Variants in TRIM41 observed in about 807,000 individuals in gnomAD.
TRIM41 encodes the protein E3 ubiquitin-protein ligase TRIM41.
In TRIM41, 21 loss-of-function variants were observed where a neutral mutation model predicts 60.6. The observed-to-expected ratio is 0.35, with a 90% CI of 0.25 to 0.50. TRIM41 has a LOEUF of 0.50. Ranked by LOEUF, TRIM41 falls within the 20% of genes least tolerant of loss-of-function variation. The pLI is 0.98. For missense variants in TRIM41, 846 were observed against 868.3 expected, an observed-to-expected ratio of 0.97 and a Z score of 0.32; for synonymous variants, 407 against 344.9, an observed-to-expected ratio of 1.18 and a Z score of -2.00.
Position 181,233,354 on chromosome 5 carries a change from A to C in TRIM41, c.1141-59A>C. On this transcript the variant is annotated intron_variant, in intron 3 of 5. Transcript: ENST00000315073. The surrounding 1 kb of genome is among the most constrained non-coding windows in gnomAD (Gnocchi z 4.1). The stretch of plus-strand genomic sequence containing the variant: ...AGATCGGGGAACGCTGTCCCTGTGC[A>C]GCTGACACTCTCTTTATCTCTTTCT... The C allele has an allele frequency of 1.9e-6, 3 of 1,556,372 alleles. No homozygotes were observed. The highest frequency in any genetic ancestry group is 3.3e-5 in the Admixed American group (2 of 59,956).
In TRIM41 at chr5:181,234,840, G is replaced by T. The variant is rs369391657; in HGVS notation, c.*65G>T. ...GGGGGTGGGTGGTGGAGGGTGGCCC[G>T]TAAGTTTGAGGGCTCAAAGGCTCTT... On this transcript the variant is annotated 3_prime_UTR_variant, in exon 6 of 6. Coordinates refer to ENST00000315073, the MANE Select transcript of TRIM41 (RefSeq NM_033549.5). This position sits in a 1 kb window ranked among gnomAD's most constrained non-coding sequence, Gnocchi z 5.6. 6.2e-7 allele frequency: 1 copy of T among 1,606,960 alleles called. No homozygotes were observed. Among genetic ancestry groups the T allele is most frequent in the Middle Eastern group, 1.7e-4 (1 of 5,900 alleles).
chr5:181,226,911 T>C (rs988019306), intron 1 of TRIM41: 1 of 152,166 alleles, frequency 6.6e-6, no homozygotes, highest in African/African-American at 2.4e-5. Flanking sequence ...TTCACTCTTG[T>C]TGCCCAGGCT....
Position 181,224,160 on chromosome 5 carries a change from A to G in TRIM41, c.161A>G (p.Glu54Gly), listed in dbSNP as rs1347547160. Residue 54 changes from glutamate to glycine, a missense_variant, in exon 1 of 6, where the codon GAG (glutamate) becomes GGG (glycine). Glu to Gly is a moderately conservative substitution (Grantham distance 98, BLOSUM62 -2). Coordinates refer to ENST00000315073, the MANE Select transcript of TRIM41 (RefSeq NM_033549.5). The part of the protein sequence containing the change: ...VTQLWGGEDE[E>G]DRDELDREEE... ...CAGTTGTGGGGTGGGGAGGATGAGG[A>G]GGACAGAGATGAGTTAGATCGGGAG... 1.2e-6 allele frequency: 2 copies of G among 1,614,072 alleles called. No homozygotes were observed. Among genetic ancestry groups the G allele is most frequent in the Non-Finnish European group, 1.7e-6 (2 of 1,180,016 alleles).
rs888234160 is a variant in TRIM41, at chr5:181,234,275, C to T, written c.1393C>T (p.His465Tyr). 1.2e-6 allele frequency: 2 copies of T among 1,612,908 alleles called. No homozygotes were observed. Among genetic ancestry groups the T allele is most frequent in the Admixed American group, 3.3e-5 (2 of 59,984 alleles). ...AGAGCGGCGGCAGGAGGTTGCTGAC[C>T]ATCCCAAGCGCTTCTCGGCCGACTG... ...LAERRQEVAD[H>Y]PKRFSADCCV... is the part of the protein sequence containing the mutation. Residue 465 changes from histidine (H) to tyrosine (Y), a missense_variant, in exon 6 of 6, where the codon CAT becomes TAT. Physicochemically the swap from His to Tyr is moderately conservative, Grantham distance 83. Transcript: ENST00000315073. The surrounding 1 kb of genome is among the most constrained non-coding windows in gnomAD (Gnocchi z 5.6).
At chr5:181,227,609 C>G (rs1036321219) in intron 1 of TRIM41, 6 of 152,050 alleles carry the variant, frequency 3.9e-5, no homozygotes, top group Admixed American at 2.0e-4. Flanking sequence ...CTCGGCCTCC[C>G]AAAGTGCTGG....
At chr5:181,230,564 G>A in intron 1 of TRIM41, 180 bp from the exon 2 acceptor site, 1 of 471,204 alleles carries the variant, frequency 2.1e-6, no homozygotes, top group Non-Finnish European at 3.9e-6. Context: ...CAGAGGGATT[G>A]GAGGCTTTTG....
At chr5:181,226,199 G>C (rs1758546291) in intron 1 of TRIM41, 1 of 151,950 alleles carries the variant, frequency 6.6e-6, no homozygotes, top group African/African-American at 2.4e-5. Flanking sequence ...TCACCTCCCG[G>C]GTTCAAGTGA....
At position 181,234,791 on chromosome 5, in the gene TRIM41, C is replaced by G; in HGVS notation, c.*16C>G. On this transcript the variant is annotated 3_prime_UTR_variant, in exon 6 of 6. Coordinates refer to ENST00000315073, the MANE Select transcript of TRIM41 (RefSeq NM_033549.5). This position sits in a 1 kb window ranked among gnomAD's most constrained non-coding sequence, Gnocchi z 5.6. ...CTGCCCTTGATTATCCTGCCACCCG[C>G]AGGGGCCCCTCTGTCAGCACTTGGG... 1 of 1,606,912 alleles carries G rather than the reference C, an allele frequency of 6.2e-7. No homozygotes were observed. Among genetic ancestry groups the G allele is most frequent in the Non-Finnish European group, 8.5e-7 (1 of 1,176,026 alleles).
Position 181,224,770 on chromosome 5 carries a change from G to C in TRIM41, c.771G>C (p.Gln257His). The change falls in exon 1 of 6, where the codon CAG becomes CAC. Residue 257 changes from glutamine (Q) to histidine (H), a missense_variant. Gln to His is a conservative substitution (Grantham distance 24). Coordinates refer to ENST00000315073, the MANE Select transcript of TRIM41 (RefSeq NM_033549.5). ...VVCRESRSHK[Q>H]HSVVPLEEVV... Reference sequence around the variant, plus strand: ...GCCGAGAATCCAGGAGCCACAAACAGCACAGCGTGGTGCCATTGGAGGAGG... The same window carrying C: ...GCCGAGAATCCAGGAGCCACAAACACCACAGCGTGGTGCCATTGGAGGAGG... 1 of 1,614,248 alleles carries C rather than the reference G, an allele frequency of 6.2e-7. No individual in the cohort carries two copies. The highest frequency in any genetic ancestry group is 8.5e-7 in the Non-Finnish European group (1 of 1,180,048).
chr5:181,228,995 T>A (rs1758679523), intron 1 of TRIM41: 2 of 148,592 alleles, frequency 1.3e-5, no homozygotes, highest in Admixed American at 1.3e-4. Context: ...AAATTCTGAA[T>A]TAATGGAGAA....
Position 181,235,031 on chromosome 5 carries a change from T to C in TRIM41, c.*256T>C. 6.2e-7 allele frequency: 1 copy of C among 1,614,040 alleles called. No individual in the cohort carries two copies. The highest frequency in any genetic ancestry group is 2.2e-5 in the East Asian group (1 of 44,888). On this transcript the variant is annotated 3_prime_UTR_variant, in exon 6 of 6. Coordinates refer to ENST00000315073, the MANE Select transcript of TRIM41 (RefSeq NM_033549.5). Reference sequence around the variant, plus strand: ...GTCCCTGATAATGAGAACAGCTGCCTGGTCTTCTCTCCCAGTCTGCCTAGC... The same window carrying C: ...GTCCCTGATAATGAGAACAGCTGCCCGGTCTTCTCTCCCAGTCTGCCTAGC...
At position 181,235,309 on chromosome 5, in the gene TRIM41, A is replaced by G; in HGVS notation, c.*534A>G. Reference sequence around the variant, plus strand: ...ATAAATGTCTATTCTCCTGGGGAGGAGGGATTCTAAACTTTCCTTCCGTCC... The same window carrying G: ...ATAAATGTCTATTCTCCTGGGGAGGGGGGATTCTAAACTTTCCTTCCGTCC... On this transcript the variant is annotated 3_prime_UTR_variant, in exon 6 of 6. Transcript: ENST00000315073. 1 of 1,614,028 alleles carries G rather than the reference A, an allele frequency of 6.2e-7. No homozygotes were observed. Among genetic ancestry groups the G allele is most frequent in the Non-Finnish European group, 8.5e-7 (1 of 1,179,982 alleles).
Position 181,235,399 on chromosome 5 carries a change from C to T in TRIM41, c.*624C>T. On this transcript the variant is annotated 3_prime_UTR_variant, in exon 6 of 6. Coordinates refer to ENST00000315073, the MANE Select transcript of TRIM41 (RefSeq NM_033549.5). ...ACTTGAGAGAGATCTGGAATGGTCG[C>T]CATGATTGAAACCACGCACCATTAC... 2.5e-6 allele frequency: 4 copies of T among 1,614,184 alleles called. No individual in the cohort carries two copies. In the South Asian group the frequency reaches 3.3e-5, roughly 13 times the overall value.
In TRIM41 at chr5:181,224,409, T is replaced by TGGGGGACATGGAGGA; in HGVS notation, c.413_427dup (p.Gly138_Glu142dup). On this transcript the variant is annotated inframe_insertion, in exon 1 of 6. Coordinates refer to ENST00000315073, the MANE Select transcript of TRIM41 (RefSeq NM_033549.5). ...GAGGAGGAAGACCTGGACTACTACT[T>TGGGGGACATGGAGGA]GGGGGACATGGAGGAGGAGGACCTG... 1.2e-6 allele frequency: 2 copies of TGGGGGACATGGAGGA among 1,608,400 alleles called. No homozygotes were observed. Among genetic ancestry groups the TGGGGGACATGGAGGA allele is most frequent in the African/African-American group, 1.4e-5 (1 of 73,300 alleles).
At position 181,233,911 on chromosome 5, in the gene TRIM41, A is replaced by G; in HGVS notation, c.1291+148A>G. On this transcript the variant is annotated intron_variant, in intron 5 of 5. Coordinates refer to ENST00000315073, the MANE Select transcript of TRIM41 (RefSeq NM_033549.5). This position sits in a 1 kb window ranked among gnomAD's most constrained non-coding sequence, Gnocchi z 4.1. The stretch of plus-strand genomic sequence containing the variant: ...CACTCTGAGGTTGAGGTTTCAAGCC[A>G]TGAGCAGGTAGACCTAGTGCAGGCA... 7.4e-7 allele frequency: 1 copy of G among 1,358,830 alleles called. No individual in the cohort carries two copies. Among genetic ancestry groups the G allele is most frequent in the South Asian group, 1.3e-5 (1 of 74,960 alleles). 84.2% of individuals were successfully genotyped at this position (1,358,830 alleles called of 1,614,324 possible).
rs139280206 is a variant in TRIM41, at chr5:181,234,981, A to C, written c.*206A>C. On this transcript the variant is annotated 3_prime_UTR_variant, in exon 6 of 6. Coordinates refer to ENST00000315073, the MANE Select transcript of TRIM41 (RefSeq NM_033549.5). This position sits in a 1 kb window ranked among gnomAD's most constrained non-coding sequence, Gnocchi z 5.6. ...CCAGCTCAGCCTTCTCTCACCTACT[A>C]TGTCTGTCCAACAGGTCTGCATGGG... 8.7e-6 allele frequency: 14 copies of C among 1,613,882 alleles called. No homozygotes were observed. Among genetic ancestry groups the C allele is most frequent in the South Asian group, 1.1e-5 (1 of 91,078 alleles).
Position 181,223,918 on chromosome 5 carries a change from C to T in TRIM41, c.-82C>T, listed in dbSNP as rs1758409700. The T allele has an allele frequency of 1.4e-6, 2 of 1,451,820 alleles. No homozygotes were observed. The highest frequency in any genetic ancestry group is 4.8e-5 in the East Asian group (2 of 42,084). 89.9% of individuals were successfully genotyped at this position (1,451,820 alleles called of 1,614,324 possible). A position where few individuals can be genotyped will look rare whatever the true frequency, so the allele number is the denominator to read the frequency against. On this transcript the variant is annotated 5_prime_UTR_variant, in exon 1 of 6. Coordinates refer to ENST00000315073, the MANE Select transcript of TRIM41 (RefSeq NM_033549.5). ...GGAGGGGCAGGGCTGGGGGTGGAGC[C>T]GGGTCGCCAGGGCGTCGGTAGGGAA...
intron 1 of TRIM41, chr5:181,225,030 G>A (rs75896174): frequency 0.022 from 13,669 of 626,520 alleles, 207 homozygotes; most frequent in Non-Finnish European, 0.028. Context: ...GGGAAGGATG[G>A]CTTCCTCAAA....
In TRIM41 at chr5:181,234,408, A is replaced by C. The variant is rs1404070030; in HGVS notation, c.1526A>C (p.His509Pro). The C allele has an allele frequency of 6.4e-7, 1 of 1,568,692 alleles. No individual in the cohort carries two copies. The highest frequency in any genetic ancestry group is 1.2e-5 in the South Asian group (1 of 86,748). Reference protein sequence around the residue: ...AVGAARESTHHKEKVGPGGSS... With the variant: ...AVGAARESTHPKEKVGPGGSS... ...GGTGCTGCCCGTGAATCAACCCATC[A>C]TAAGGAAAAGGTGGGCCCTGGGGGT... Residue 509 changes from histidine to proline, a missense_variant, in exon 6 of 6, where the codon CAT (histidine) becomes CCT (proline). Transcript: ENST00000315073. The surrounding 1 kb of genome is among the most constrained non-coding windows in gnomAD (Gnocchi z 5.6).
Sources: gnomAD v4.1 joint callset for allele counts on GRCh38, gnomAD v4.1.1 for gene constraint, Gnocchi (gnomAD v3.1) non-coding constraint, MANE v1.5 for transcripts, NCBI Gene and HGNC (gene_info 2026-07-23, HGNC 2026-07-21) for gene names.